Variants in TMTC1 observed in about 807,000 individuals in gnomAD.
TMTC1 encodes the protein protein O-mannosyl-transferase TMTC1.
In TMTC1, 73 loss-of-function variants were observed where a neutral mutation model predicts 104.8. The ratio of observed to expected loss-of-function variants is 0.70; its 90% CI spans 0.58 to 0.85. TMTC1 has a LOEUF of 0.85. Among genes scored for constraint, TMTC1 ranks in the 40% least tolerant of loss-of-function variants. The pLI is 0.00. For missense variants in TMTC1, 1,035 were observed against 1,096.1 expected (o/e 0.94, Z 0.79); for synonymous variants, 434 against 428.7 (o/e 1.01, Z -0.15).
intron 5 of TMTC1, among the ~76,000 whole-genome samples, chr12:29,684,601 T>A (rs1430032754): frequency 6.6e-6 from 1 of 152,176 alleles, no homozygotes; most frequent in Non-Finnish European, 1.5e-5. Flanking sequence ...TTATTTCTAT[T>A]TTTGACACTA....
At chr12:29,702,398 C>T (rs1357655525) in intron 5 of TMTC1, among the ~76,000 whole-genome samples, 4 of 152,202 alleles carry the variant, frequency 2.6e-5, no homozygotes, top group African/African-American at 9.6e-5. Context: ...TGGTCACTGG[C>T]TGAGTTCAGT....
At chr12:29,751,580 T>C in intron 5 of TMTC1, 86 bp downstream of exon 5, 2 of 1,414,796 alleles carry the variant, frequency 1.4e-6, no homozygotes, top group South Asian at 1.2e-5. Context: ...GCTGACTCAG[T>C]GCTTCACTTC....
chr12:29,660,934 C>T, intron 5 of TMTC1: 1 of 1,142,742 alleles, frequency 8.8e-7, no homozygotes, highest in South Asian at 1.8e-5. Context: ...CTACCAGACA[C>T]AATGTTCTCC....
chr12:29,767,257 C>T (rs1943487773), intron 2 of TMTC1, among the ~76,000 whole-genome samples: 2 of 152,110 alleles, frequency 1.3e-5, no homozygotes, highest in African/African-American at 4.8e-5. Flanking sequence ...CCAGCCAATA[C>T]TTTTTAAATA....
Position 29,656,459 on chromosome 12 carries a change from A to G in TMTC1, c.939-23123T>C, listed in dbSNP as rs933130583. On this transcript the variant is annotated intron_variant, in intron 5 of 17. Coordinates refer to ENST00000539277, the MANE Select transcript of TMTC1 (RefSeq NM_001193451.2). Reference sequence around the variant, plus strand: ...AACCTCTGCCTCCCCAGTTCAAGCGATTCTCCTGCTTCAGCCTCCCAAGTA... The same window carrying G: ...AACCTCTGCCTCCCCAGTTCAAGCGGTTCTCCTGCTTCAGCCTCCCAAGTA... Among the ~76,000 whole-genome samples the G allele has an allele frequency of 2.7e-5, 4 of 149,934 alleles. No homozygotes were observed. The East Asian group carries it at 7.9e-4, about 29-fold the overall frequency.
At chr12:29,599,639 C>T (rs16934597) in intron 7 of TMTC1, among the ~76,000 whole-genome samples, 20,082 of 152,094 alleles carry the variant, frequency 0.13, 1,572 homozygotes, top group Middle Eastern at 0.21. Flanking sequence ...AGGGATTCAC[C>T]CGGGCTTCAG....
intron 1 of TMTC1, among the ~76,000 whole-genome samples, chr12:29,777,590 C>T (rs947636714): frequency 1.4e-5 from 2 of 140,824 alleles, no homozygotes; most frequent in Admixed American, 7.7e-5. Context: ...CACTTTCTGT[C>T]CCTCCTACAC....
intron 3 of TMTC1, among the ~76,000 whole-genome samples, chr12:29,758,188 C>G (rs1943260942): frequency 6.6e-6 from 1 of 151,940 alleles, no homozygotes; most frequent in African/African-American, 2.4e-5. Context: ...TTCAGTTTCC[C>G]AATGCAAAAA....
intron 6 of TMTC1, among the ~76,000 whole-genome samples, chr12:29,623,580 C>T (rs184702400): frequency 4.9e-4 from 75 of 152,240 alleles, no homozygotes; most frequent in Non-Finnish European, 5.4e-4. Context: ...TTTGGGAGGC[C>T]GAGGCGGGTG....
chr12:29,730,518 C>A (rs569215068), intron 5 of TMTC1, among the ~76,000 whole-genome samples: 1 of 152,174 alleles, frequency 6.6e-6, no homozygotes, highest in Non-Finnish European at 1.5e-5. Context: ...TCTTCTCTCC[C>A]GCTTTTCCTT....
In TMTC1 at chr12:29,735,776, G is replaced by T. The variant is rs185666607; in HGVS notation, c.938+15890C>A. ...CAGATGCAGCTTCCGGACCAAGTAG[G>T]AGGTTGGGAGGGCCACATCCACCTA... On this transcript the variant is annotated intron_variant, in intron 5 of 17. Transcript: ENST00000539277. Among the ~76,000 whole-genome samples the T allele has an allele frequency of 3.0e-3, 459 of 152,320 alleles. 1 individual carries two copies. The highest frequency in any genetic ancestry group is 5.2e-3 in the Non-Finnish European group (353 of 68,026).
At chr12:29,583,365 A>G in intron 8 of TMTC1, 42 bp downstream of exon 8, 1 of 1,582,394 alleles carries the variant, frequency 6.3e-7, no homozygotes, top group African/African-American at 1.3e-5. Context: ...GTAAGCAAAG[A>G]AATAAACAGG....
chr12:29,676,585 G>A (rs895184445), intron 5 of TMTC1, among the ~76,000 whole-genome samples: 1 of 152,116 alleles, frequency 6.6e-6, no homozygotes, highest in Admixed American at 6.5e-5. Context: ...GTCAGTCAGA[G>A]ATCGATTTCC....
chr12:29,639,330 A>G (rs922225663), intron 5 of TMTC1, among the ~76,000 whole-genome samples: 1 of 152,210 alleles, frequency 6.6e-6, no homozygotes, highest in African/African-American at 2.4e-5. Context: ...AGGTGGAGAG[A>G]TGGGAGATAG....
At chr12:29,742,318 T>A (rs1438515) in intron 5 of TMTC1, among the ~76,000 whole-genome samples, 54,909 of 151,992 alleles carry the variant, frequency 0.36, 11,433 homozygotes, top group Non-Finnish European at 0.45. Flanking sequence ...CTCTTAAAAG[T>A]CTATACTTAT....
intron 6 of TMTC1, among the ~76,000 whole-genome samples, chr12:29,626,530 G>T (rs1565719763): frequency 1.3e-5 from 2 of 152,064 alleles, no homozygotes; most frequent in East Asian, 1.9e-4. Flanking sequence ...TTAAAATAAG[G>T]TGTTTAGGGA....
intron 5 of TMTC1, among the ~76,000 whole-genome samples, chr12:29,682,511 G>A (rs1376339500): frequency 6.6e-6 from 1 of 152,198 alleles, no homozygotes; most frequent in Non-Finnish European, 1.5e-5. Flanking sequence ...ATGTACCACA[G>A]TCTGTGAATG....
At position 29,518,568 on chromosome 12, in the gene TMTC1, A is replaced by G; in HGVS notation, c.1928T>C (p.Ile643Thr). The G allele has an allele frequency of 6.2e-7, 1 of 1,614,144 alleles. No homozygotes were observed. Among genetic ancestry groups the G allele is most frequent in the Non-Finnish European group, 8.5e-7 (1 of 1,179,990 alleles). ...CACGTGATGACTGGGGCTAAGTTTG[A>G]TGGCCTGCTGGTAATGGGCCACTGC... Reference protein sequence around the residue: ...EKAVAHYQQAIKLSPSHHVAM... With the variant: ...EKAVAHYQQATKLSPSHHVAM... The change falls in exon 13 of 18, where the codon ATC becomes ACC. Residue 643 changes from isoleucine (I) to threonine (T), a missense_variant. Physicochemically the swap from Ile to Thr is moderately conservative, Grantham distance 89. Transcript: ENST00000539277.
intron 5 of TMTC1, among the ~76,000 whole-genome samples, chr12:29,707,398 C>T (rs952968955): frequency 6.6e-6 from 1 of 152,168 alleles, no homozygotes; most frequent in African/African-American, 2.4e-5. Context: ...CCTGCCAGCC[C>T]CTTCAACCCT....
Sources: gnomAD v4.1 joint callset for allele counts (sites outside exome capture counted in the v4.1 genomes callset) on GRCh38, gnomAD v4.1.1 for gene constraint, MANE v1.5 for transcripts, NCBI Gene and HGNC (gene_info 2026-07-23, HGNC 2026-07-21) for gene names.